The following ABCC10 variants were observed in gnomAD, a reference collection of about 807,000 sequenced individuals.
ABCC10 encodes the protein ATP-binding cassette sub-family C member 10.
A neutral mutation model predicts 143.2 loss-of-function variants in ABCC10; 110 were observed. The observed-to-expected ratio is 0.77, with a 90% CI of 0.66 to 0.90. The LOEUF is 0.90. ABCC10 is among the 40% of genes least tolerant of loss of function. The pLI, the probability that ABCC10 is intolerant of heterozygous loss-of-function variation, is 0.00. For synonymous variants in ABCC10, 805 were observed against 846.7 expected (o/e 0.95, Z 0.85); for missense variants, 1,700 against 1,900.5 (o/e 0.89, Z 1.96).
rs1479748151 is a variant in ABCC10, at chr6:43,428,272, T to C, written c.161+133T>C. On this transcript the variant is annotated intron_variant, in intron 2 of 21. Coordinates refer to ENST00000372530, the MANE Select transcript of ABCC10 (RefSeq NM_001198934.2). ...GCAGAAGTAGAATAAAATCTAAGCA[T>C]TGCTACTTAGCAGCAATGTGGCTGT... The C allele has an allele frequency of 2.7e-5, 29 of 1,080,716 alleles. No individual in the cohort carries two copies. The Admixed American group carries it at 8.8e-4, about 33-fold the overall frequency. 66.9% of individuals were successfully genotyped at this position (1,080,716 alleles called of 1,614,324 possible).
rs759259706 is a variant in ABCC10, at chr6:43,434,826, G to A, written c.1586G>A (p.Gly529Glu). 6.2e-7 allele frequency: 1 copy of A among 1,614,082 alleles called. No individual in the cohort carries two copies. The highest frequency in any genetic ancestry group is 2.2e-5 in the East Asian group (1 of 44,882). Residue 529 changes from glycine to glutamate, a missense_variant, in exon 4 of 22, where the codon GGG (glycine) becomes GAG (glutamate). Transcript: ENST00000372530. ...ATCTTCATCACCTATGTCCTCATGG[G>A]GCACCAGCTCACTGCCACCAAGGTG... is the stretch of plus-strand genomic sequence containing the variant. ...IVIFITYVLM[G>E]HQLTATKVFT...
chr6:43,429,835 G>T (rs147906451), intron 2 of ABCC10, among the ~76,000 whole-genome samples: 3 of 152,184 alleles, frequency 2.0e-5, no homozygotes, highest in Admixed American at 6.5e-5. Flanking sequence ...GGTCAACATG[G>T]TGAAACCCCA....
In ABCC10 at chr6:43,447,400, C is replaced by G. The variant is rs375659264; in HGVS notation, c.3697C>G (p.Pro1233Ala). The change falls in exon 17 of 22, where the codon CCA (proline) becomes GCA (alanine). Residue 1233 changes from proline (P) to alanine (A), a missense_variant. Transcript: ENST00000372530. ...CCTGCCCCAGGAACCCCAGGGCCAG[C>G]CACTGCAGGTGGGCCTGTACCCCCA... The part of the protein sequence containing the change: ...CDLPQEPQGQ[P>A]LQLGTGWLTQ... 8 of 1,613,016 alleles carry G rather than the reference C, an allele frequency of 5.0e-6. No homozygotes were observed. The highest frequency in any genetic ancestry group is 6.8e-6 in the Non-Finnish European group (8 of 1,179,894).
chr6:43,447,873 C>T lies in ABCC10; in HGVS notation c.3895C>T (p.Pro1299Ser). ...GTTGGTGCTCTTCCGGCTGCTAGAG[C>T]CCAGTTCAGGGCGAGTGCTGCTGGA... The part of the protein sequence containing the change: ...LLLVLFRLLE[P>S]SSGRVLLDGV... The change falls in exon 18 of 22, where the codon CCC becomes TCC. Residue 1299 changes from proline to serine, a missense_variant. Pro to Ser is a moderately conservative substitution (Grantham distance 74, BLOSUM62 -1). Coordinates refer to ENST00000372530, the MANE Select transcript of ABCC10 (RefSeq NM_001198934.2). 6.2e-7 allele frequency: 1 copy of T among 1,613,934 alleles called. No homozygotes were observed. Among genetic ancestry groups the T allele is most frequent in the Non-Finnish European group, 8.5e-7 (1 of 1,180,042 alleles).
In ABCC10 at chr6:43,433,152, T is replaced by C. The variant is rs1439192287; in HGVS notation, c.1172T>C (p.Leu391Pro). 2 of 1,614,096 alleles carry C rather than the reference T, an allele frequency of 1.2e-6. No homozygotes were observed. The highest frequency in any genetic ancestry group is 1.3e-5 in the African/African-American group (1 of 75,058). Reference protein sequence around the residue: ...LNLLGTDSERLLNFAGSFHEA... With the variant: ...LNLLGTDSERPLNFAGSFHEA... ...CTACTAGGCACTGACTCTGAACGGC[T>C]GCTTAACTTTGCTGGGAGCTTCCAT... is the stretch of plus-strand genomic sequence containing the variant. The change falls in exon 3 of 22, where the codon CTG (leucine) becomes CCG (proline). Residue 391 changes from leucine (L) to proline (P), a missense_variant. Physicochemically the swap from Leu to Pro is moderately conservative, Grantham distance 98. Transcript: ENST00000372530.
intron 12 of ABCC10, 99 bp downstream of exon 12, chr6:43,444,452 G>C (rs1782809076): frequency 7.3e-7 from 1 of 1,374,552 alleles, no homozygotes; most frequent in Non-Finnish European, 9.7e-7. Context: ...GACTCACCAA[G>C]CATGGGTCAC....
chr6:43,428,283 C>T, intron 2 of ABCC10, 144 bp downstream of exon 2: 2 of 993,018 alleles, frequency 2.0e-6, no homozygotes, highest in Non-Finnish European at 1.4e-6. Flanking sequence ...TGCTACTTAG[C>T]AGCAATGTGG....
intron 8 of ABCC10, among the ~76,000 whole-genome samples, chr6:43,439,974 T>C (rs1368312631): frequency 2.0e-5 from 3 of 151,996 alleles, no homozygotes; most frequent in Admixed American, 6.6e-5. Context: ...TTCGTGTGTG[T>C]GAGACAGAGT....
In ABCC10 at chr6:43,447,625, G is replaced by A. The variant is rs1049931486; in HGVS notation, c.3706-59G>A. ...TCATTATTCTCCCCTCCTCACCATCGCTCCTCATCTCCCCTATCTCCCTTT... is the reference window on the plus strand; with the variant it reads ...TCATTATTCTCCCCTCCTCACCATCACTCCTCATCTCCCCTATCTCCCTTT... On this transcript the variant is annotated intron_variant, in intron 17 of 21. Transcript: ENST00000372530. 10 of 1,600,354 alleles carry A rather than the reference G, an allele frequency of 6.2e-6. No individual in the cohort carries two copies. In the African/African-American group the frequency reaches 6.7e-5, roughly 11 times the overall value.
intron 7 of ABCC10, chr6:43,438,403 GC>G: frequency 1.4e-6 from 2 of 1,425,312 alleles, no homozygotes; most frequent in Non-Finnish European, 1.8e-6. Flanking sequence ...AAGTACAACA[GC>G]TGCTTGGCTG....
rs748097420 is a variant in ABCC10, at chr6:43,444,262, C to G, written c.2598C>G (p.Gly866=). The change falls in exon 12 of 22, where the codon GGC becomes GGG. Residue 866 remains glycine, a synonymous_variant. Transcript: ENST00000372530. ...RLLQEESKKE[G]AVALHVYQAY... ...TGCAGGAAGAAAGCAAGAAGGAGGG[C>G]GCCGTGGCCTTGCACGTGTACCAAG... 6.2e-7 allele frequency: 1 copy of G among 1,614,146 alleles called. No individual in the cohort carries two copies.
chr6:43,449,201 C>T lies in ABCC10; in HGVS notation c.4200C>T (p.Ala1400=), dbSNP rs527363015. 21 of 1,613,160 alleles carry T rather than the reference C, an allele frequency of 1.3e-5. No homozygotes were observed. The South Asian group carries it at 1.9e-4, about 14-fold the overall frequency. Reference sequence around the variant, plus strand: ...TGGCCAGGGCTCTCCTCACAGATGCCAAGGTAAGGTGAGAGAAAGAGACAT... The same window carrying T: ...TGGCCAGGGCTCTCCTCACAGATGCTAAGGTAAGGTGAGAGAAAGAGACAT... ...LCLARALLTD[A]KILCIDEATA... is the part of the protein sequence containing the mutation. The change falls in exon 20 of 22, where the codon GCC becomes GCT. Residue 1400 remains alanine (A), a synonymous_variant. Coordinates refer to ENST00000372530, the MANE Select transcript of ABCC10 (RefSeq NM_001198934.2).
intron 6 of ABCC10, 150 bp downstream of exon 6, chr6:43,436,397 AATC>A (rs1781727261): frequency 3.1e-6 from 3 of 954,864 alleles, no homozygotes; most frequent in Non-Finnish European, 4.6e-6. Flanking sequence ...AGCAGGTTCT[AATC>A]ATGAGGAGAT....
intron 2 of ABCC10, chr6:43,431,819 A>C (rs752086118): frequency 2.8e-5 from 33 of 1,181,284 alleles, no homozygotes; most frequent in Non-Finnish European, 3.4e-5. Flanking sequence ...GTTAGTCTTC[A>C]TGTTAAGTAC....
rs577342731 is a variant in ABCC10 at position 43,428,017 on chromosome 6, A to T, written c.39A>T (p.Ala13=). The T allele has an allele frequency of 1.2e-6, 2 of 1,609,776 alleles. No individual in the cohort carries two copies. Among genetic ancestry groups the T allele is most frequent in the South Asian group, 2.2e-5 (2 of 90,506 alleles). The part of the protein sequence containing the change: ...RLLAQLCGSS[A]AWPLPLWEGD... ...TGGCCCAGCTGTGCGGCAGCAGCGC[A>T]GCGTGGCCGCTCCCGCTGTGGGAGG... Residue 13 remains alanine (A), a synonymous_variant, in exon 2 of 22, where the codon GCA becomes GCT. Coordinates refer to ENST00000372530, the MANE Select transcript of ABCC10 (RefSeq NM_001198934.2).
Position 43,434,746 on chromosome 6 carries a change from G to T in ABCC10, c.1506G>T (p.Leu502=), listed in dbSNP as rs764821796. Residue 502 remains leucine (L), a synonymous_variant, in exon 4 of 22, where the codon CTG becomes CTT. Coordinates refer to ENST00000372530, the MANE Select transcript of ABCC10 (RefSeq NM_001198934.2). ...GGCGACTCCGGGTCATCAAATACCTGGATGCGGCCTGTGTATACCTGTGGG... is the reference window on the plus strand; with the variant it reads ...GGCGACTCCGGGTCATCAAATACCTTGATGCGGCCTGTGTATACCTGTGGG... The part of the protein sequence containing the change: ...ELGRLRVIKY[L]DAACVYLWAA... The T allele has an allele frequency of 6.2e-7, 1 of 1,614,168 alleles. No homozygotes were observed. Among genetic ancestry groups the T allele is most frequent in the South Asian group, 1.1e-5 (1 of 91,088 alleles).
intron 8 of ABCC10, among the ~76,000 whole-genome samples, chr6:43,439,006 G>T (rs1782044308): frequency 6.6e-6 from 1 of 152,174 alleles, no homozygotes; most frequent in Non-Finnish European, 1.5e-5. Flanking sequence ...CTGCACAGTT[G>T]TGGGAAGAGC....
rs372797125 is a variant in ABCC10 at position 43,432,788 on chromosome 6, G to C, written c.808G>C (p.Gly270Arg). Reference sequence around the variant, plus strand: ...TGTCTTCCAGGCACACTGGCAGGAGGGGGCACGGCTGTGGAGGGCCTTGTA... The same window carrying C: ...TGTCTTCCAGGCACACTGGCAGGAGCGGGCACGGCTGTGGAGGGCCTTGTA... ...ARVFQAHWQE[G>R]ARLWRALYGA... Residue 270 changes from glycine (G) to arginine (R), a missense_variant, in exon 3 of 22, where the codon GGG becomes CGG. Coordinates refer to ENST00000372530, the MANE Select transcript of ABCC10 (RefSeq NM_001198934.2). The C allele has an allele frequency of 3.6e-5, 58 of 1,614,094 alleles. 1 individual carries two copies. The highest frequency in any genetic ancestry group is 4.6e-5 in the Non-Finnish European group (54 of 1,180,048).
chr6:43,443,039 C>T lies in ABCC10; in HGVS notation c.2296C>T (p.His766Tyr), dbSNP rs2127403266. 6.2e-7 allele frequency: 1 copy of T among 1,613,190 alleles called. No individual in the cohort carries two copies. The highest frequency in any genetic ancestry group is 2.2e-5 in the East Asian group (1 of 44,868). Residue 766 changes from histidine (H) to tyrosine (Y), a missense_variant, in exon 10 of 22, where the codon CAC becomes TAC. Transcript: ENST00000372530. This position sits in a 1 kb window ranked among gnomAD's most constrained non-coding sequence, Gnocchi z 4.2. The part of the protein sequence containing the change: ...VDADVANHLL[H>Y]RCILGMLSYT... ...TGCAGATGTGGCCAACCACCTGCTG[C>T]ACAGGTGCATCCTGGGCATGCTGAG... is the stretch of plus-strand genomic sequence containing the variant.
Sources: allele counts gnomAD v4.1 joint callset (sites outside exome capture counted in the v4.1 genomes callset), GRCh38; gene constraint gnomAD v4.1.1; non-coding constraint Gnocchi (gnomAD v3.1); transcripts MANE v1.5; gene names NCBI Gene and HGNC (gene_info 2026-07-23, HGNC 2026-07-21).